The following SLC1A2 variants were observed in gnomAD, a reference collection of about 807,000 sequenced individuals.
SLC1A2 encodes excitatory amino acid transporter 2.
In SLC1A2, 15 loss-of-function variants were observed where a neutral mutation model predicts 48.8. The observed-to-expected ratio is 0.31, with a 90% CI of 0.21 to 0.47. The LOEUF (loss-of-function observed/expected upper bound fraction) is 0.47. Among genes scored for constraint, SLC1A2 ranks in the 20% least tolerant of loss-of-function variants. The pLI is 0.99. For synonymous variants in SLC1A2, 279 were observed against 272.6 expected, an observed-to-expected ratio of 1.02 and a Z score of -0.23; for missense variants, 502 against 730.5, an observed-to-expected ratio of 0.69 and a Z score of 3.61.
At chr11:35,298,895 C>T (rs1244903186) in intron 6 of SLC1A2, 3 of 152,206 alleles carry the variant, frequency 2.0e-5, no homozygotes, top group Non-Finnish European at 2.9e-5. Context: ...CATCATATTA[C>T]AGAAATACGG....
chr11:35,365,568 T>A (rs1191151922), intron 1 of SLC1A2, among the ~76,000 whole-genome samples: 1 of 148,498 alleles, frequency 6.7e-6, no homozygotes, highest in Non-Finnish European at 1.5e-5. Context: ...TCCGAAAAAC[T>A]CCTCTTCATC....
chr11:35,420,221 G>A (rs1340581613), upstream of SLC1A2, among the ~76,000 whole-genome samples: 2 of 150,988 alleles, frequency 1.3e-5, no homozygotes, highest in Non-Finnish European at 1.5e-5. Flanking sequence ...AGGGGTGAGT[G>A]GCGGGGGACG....
intron 1 of SLC1A2, among the ~76,000 whole-genome samples, chr11:35,319,597 T>C (rs1436061309): frequency 6.6e-6 from 1 of 152,210 alleles, no homozygotes; most frequent in African/African-American, 2.4e-5. Context: ...AAGATCCATA[T>C]GATGTAATGG....
At chr11:35,294,141 G>A (rs1851096923) in intron 6 of SLC1A2, among the ~76,000 whole-genome samples, 1 of 152,134 alleles carries the variant, frequency 6.6e-6, no homozygotes, top group South Asian at 2.1e-4. Flanking sequence ...CTGAGTTAGT[G>A]ATGCTTTCTA....
chr11:35,399,577 G>A, intron 1 of SLC1A2: 1 of 981,862 alleles, frequency 1.0e-6, no homozygotes, highest in Non-Finnish European at 1.2e-6. Flanking sequence ...AATCAAACCT[G>A]GTAATCATGA....
intron 1 of SLC1A2, among the ~76,000 whole-genome samples, chr11:35,337,811 C>A (rs1331774886): frequency 1.3e-5 from 2 of 152,132 alleles, no homozygotes; most frequent in African/African-American, 4.8e-5. Context: ...CCTTCCAGCT[C>A]TATGAGTATG....
Position 35,342,112 on chromosome 11 carries a change from G to A in SLC1A2, c.18-24596C>T, listed in dbSNP as rs557667852. ...GGAATGGATGAGGGTTTTGCAGACA[G>A]GTGTGTAAATGGAGATTCTTATATA... On this transcript the variant is annotated intron_variant, in intron 1 of 10. Coordinates refer to ENST00000278379, the MANE Select transcript of SLC1A2 (RefSeq NM_004171.4). Among the ~76,000 whole-genome samples, 29 of 152,322 alleles carry A rather than the reference G, an allele frequency of 1.9e-4. No individual in the cohort carries two copies. The South Asian group carries it at 5.6e-3, about 29-fold the overall frequency.
At chr11:35,348,646 C>T (rs1321262866) in intron 1 of SLC1A2, among the ~76,000 whole-genome samples, 1 of 151,950 alleles carries the variant, frequency 6.6e-6, no homozygotes. Flanking sequence ...AATCCCAGCA[C>T]TTTGGGAGGC....
intron 1 of SLC1A2, among the ~76,000 whole-genome samples, chr11:35,352,081 C>CA (rs1590218443): frequency 1.3e-5 from 2 of 152,076 alleles, no homozygotes; most frequent in African/African-American, 4.8e-5. Context: ...CTTTCTACAG[C>CA]AAAAATGAAG....
intron 9 of SLC1A2, among the ~76,000 whole-genome samples, chr11:35,276,999 T>C (rs1404597854): frequency 1.3e-5 from 2 of 152,132 alleles, no homozygotes; most frequent in Non-Finnish European, 2.9e-5. Context: ...TCTTTCTGCA[T>C]CATGACATAG....
intron 9 of SLC1A2, among the ~76,000 whole-genome samples, chr11:35,277,516 C>T (rs967405471): frequency 2.0e-5 from 3 of 152,104 alleles, no homozygotes; most frequent in Non-Finnish European, 4.4e-5. Flanking sequence ...CATTTTTTTC[C>T]ACTCAAAGGC....
chr11:35,275,390 T>G (rs1037460668), intron 9 of SLC1A2, among the ~76,000 whole-genome samples: 1 of 152,246 alleles, frequency 6.6e-6, no homozygotes, highest in African/African-American at 2.4e-5. Flanking sequence ...TTCCTGGTAT[T>G]GGCTCCCATT....
intron 2 of SLC1A2, 67 bp from the exon 3 acceptor site, chr11:35,315,242 T>A: frequency 8.4e-7 from 1 of 1,193,334 alleles, no homozygotes; most frequent in Non-Finnish European, 1.2e-6. Flanking sequence ...CTCTAGACAC[T>A]TATTTCAGCA....
At position 35,344,556 on chromosome 11, in the gene SLC1A2, T is replaced by G. The variant is rs1450573208; in HGVS notation, c.18-27040A>C. On this transcript the variant is annotated intron_variant, in intron 1 of 10. Coordinates refer to ENST00000278379, the MANE Select transcript of SLC1A2 (RefSeq NM_004171.4). ...ATACAGACAAACTTTCCTTACAATTTCAGACCCCGGAAGACCTTTACCCAC... is the reference window on the plus strand; with the variant it reads ...ATACAGACAAACTTTCCTTACAATTGCAGACCCCGGAAGACCTTTACCCAC... Among the ~76,000 whole-genome samples the G allele has an allele frequency of 2.6e-5, 4 of 152,184 alleles. No homozygotes were observed. In the East Asian group the frequency reaches 7.7e-4, roughly 29 times the overall value.
intron 1 of SLC1A2, among the ~76,000 whole-genome samples, chr11:35,364,114 G>T (rs1853768396): frequency 6.6e-6 from 1 of 152,188 alleles, no homozygotes; most frequent in African/African-American, 2.4e-5. Flanking sequence ...AACACCATAT[G>T]TGTCCCTGCC....
Position 35,363,084 on chromosome 11 carries a change from G to A in SLC1A2, c.18-45568C>T, listed in dbSNP as rs1341850950. On this transcript the variant is annotated intron_variant, in intron 1 of 10. Coordinates refer to ENST00000278379, the MANE Select transcript of SLC1A2 (RefSeq NM_004171.4). ...AGGTCAGCGGCAGACCCTCAAAGTC[G>A]GACTCCTGAGCCAATGCATGTTACT... Among the ~76,000 whole-genome samples, 120 of 152,264 alleles carry A rather than the reference G, an allele frequency of 7.9e-4. 4 individuals carry two copies. Among genetic ancestry groups the A allele is most frequent in the Non-Finnish European group, 7.4e-5 (5 of 68,022 alleles).
At chr11:35,363,588 G>A in intron 1 of SLC1A2, among the ~76,000 whole-genome samples, 1 of 152,144 alleles carries the variant, frequency 6.6e-6, no homozygotes, top group Non-Finnish European at 1.5e-5. Flanking sequence ...AATGACAGAG[G>A]AACTAGCACT....
intron 10 of SLC1A2, chr11:35,264,804 T>C (rs1950453059): frequency 6.6e-6 from 1 of 152,212 alleles, no homozygotes; most frequent in Non-Finnish European, 1.5e-5. Context: ...GATAGTTGTG[T>C]AAAGTTAAGT....
intron 1 of SLC1A2, among the ~76,000 whole-genome samples, chr11:35,359,066 T>C (rs749271545): frequency 2.0e-5 from 3 of 152,242 alleles, no homozygotes; most frequent in Non-Finnish European, 4.4e-5. Context: ...TTACTTTAGA[T>C]CTTTGGACCC....
Sources: allele counts gnomAD v4.1 joint callset (sites outside exome capture counted in the v4.1 genomes callset), GRCh38; gene constraint gnomAD v4.1.1; transcripts MANE v1.5; gene names NCBI Gene and HGNC (gene_info 2026-07-23, HGNC 2026-07-21).